Variants in LRP5 observed in about 807,000 individuals in gnomAD.
LRP5 encodes LDL receptor related protein 5, also known as low-density lipoprotein receptor-related protein 5.
A neutral mutation model predicts 154.1 loss-of-function variants in LRP5; 62 were observed. The observed-to-expected ratio is 0.40, with a 90% CI of 0.33 to 0.50. LRP5 has a LOEUF of 0.50. LRP5 is among the 20% of genes least tolerant of loss of function. The probability of loss-of-function intolerance (pLI) is 0.55; values close to 1 mark genes in which losing one functional copy is unlikely to be tolerated. For synonymous variants in LRP5, 966 were observed against 1,011.5 expected, an observed-to-expected ratio of 0.96 and a Z score of 0.85; for missense variants, 1,915 against 2,336.7, an observed-to-expected ratio of 0.82 and a Z score of 3.72.
chr11:68,388,648 AG>A (rs1399043039), intron 6 of LRP5, among the ~76,000 whole-genome samples: 2 of 152,094 alleles, frequency 1.3e-5, no homozygotes, highest in Non-Finnish European at 1.5e-5. Flanking sequence ...TATGTGCAGA[AG>A]GTTCTGCTCT....
At position 68,431,270 on chromosome 11, in the gene LRP5, G is replaced by A. The variant is rs532083720; in HGVS notation, c.3763+1570G>A. 1.1e-3 allele frequency among the ~76,000 whole-genome samples: 139 copies of A among 123,606 alleles called. 1 individual carries two copies. The highest frequency in any genetic ancestry group is 4.3e-3 in the African/African-American group (133 of 31,058). 81.1% of individuals were successfully genotyped at this position (123,606 alleles called of 152,430 possible). A position where few individuals can be genotyped will look rare whatever the true frequency, so the allele number is the denominator to read the frequency against. On this transcript the variant is annotated intron_variant, in intron 17 of 22. Coordinates refer to ENST00000294304, the MANE Select transcript of LRP5 (RefSeq NM_002335.4). Reference sequence around the variant, plus strand: ...TTTTTTTTTTTTGAGATGGAGTCTCGCTTTTTTCGCGCAGGCTGAAGTGCA... The same window carrying A: ...TTTTTTTTTTTTGAGATGGAGTCTCACTTTTTTCGCGCAGGCTGAAGTGCA...
chr11:68,331,820 G>C lies in LRP5; in HGVS notation c.92-16027G>C, dbSNP rs141060082. 6.1e-3 allele frequency among the ~76,000 whole-genome samples: 922 copies of C among 152,060 alleles called. 6 individuals carry two copies. Among genetic ancestry groups the C allele is most frequent in the Admixed American group, 0.014 (207 of 15,254 alleles). On this transcript the variant is annotated intron_variant, in intron 1 of 22. Coordinates refer to ENST00000294304, the MANE Select transcript of LRP5 (RefSeq NM_002335.4). ...ATTAGGATTAGAGAGAATTCGATGG[G>C]GGGCCAGGGGCCAACAGGAATGGGG...
upstream of LRP5, among the ~76,000 whole-genome samples, chr11:68,310,950 C>T (rs989025276): frequency 4.0e-5 from 6 of 151,816 alleles, no homozygotes; most frequent in Admixed American, 2.0e-4. Context: ...CTGCAGGTGC[C>T]GAAGGCTTTT....
At chr11:68,367,076 C>A (rs1490219007) in intron 5 of LRP5, among the ~76,000 whole-genome samples, 12 of 152,080 alleles carry the variant, frequency 7.9e-5, no homozygotes. Context: ...GTCTTGGACA[C>A]CCGCTCCTCC....
chr11:68,445,744 G>A (rs1336676402), intron 21 of LRP5: 1 of 1,108,840 alleles, frequency 9.0e-7, no homozygotes, highest in African/African-American at 1.6e-5. Context: ...TCCCTTTGTA[G>A]GGCTGGTTGT....
At chr11:68,440,078 T>A in intron 21 of LRP5, 162 bp downstream of exon 21, 1 of 640,792 alleles carries the variant, frequency 1.6e-6, no homozygotes, top group Non-Finnish European at 2.6e-6. Flanking sequence ...CTTCCTTCTT[T>A]AATGACATTG....
At chr11:68,428,368 C>T (rs944389432) in intron 16 of LRP5, among the ~76,000 whole-genome samples, 4 of 152,128 alleles carry the variant, frequency 2.6e-5, no homozygotes, top group Non-Finnish European at 5.9e-5. Context: ...AACTGGATGG[C>T]TTAAAGCAAC....
intron 1 of LRP5, among the ~76,000 whole-genome samples, chr11:68,313,829 G>T (rs1189384294): frequency 6.6e-6 from 1 of 152,226 alleles, no homozygotes; most frequent in Non-Finnish European, 1.5e-5. Flanking sequence ...CCTCCTTAAG[G>T]CAAACAGCTG....
At chr11:68,393,552 G>A (rs1255344377) in intron 7 of LRP5, among the ~76,000 whole-genome samples, 3 of 152,102 alleles carry the variant, frequency 2.0e-5, no homozygotes, top group African/African-American at 4.8e-5. Flanking sequence ...AGGCCGTGGC[G>A]GGCGGATCAC....
chr11:68,336,500 C>T (rs2098605783), intron 1 of LRP5, among the ~76,000 whole-genome samples: 1 of 151,980 alleles, frequency 6.6e-6, no homozygotes, highest in Non-Finnish European at 1.5e-5. Flanking sequence ...CAGAGTTTTG[C>T]TTTTGTCACC....
intron 1 of LRP5, among the ~76,000 whole-genome samples, chr11:68,339,952 A>G (rs1291745291): frequency 2.0e-5 from 3 of 152,148 alleles, no homozygotes; most frequent in Non-Finnish European, 4.4e-5. Context: ...CTTTAAAAGC[A>G]GTTGTCAACT....
chr11:68,354,925 C>T (rs538239158), intron 2 of LRP5, among the ~76,000 whole-genome samples: 4 of 152,284 alleles, frequency 2.6e-5, no homozygotes, highest in Non-Finnish European at 4.4e-5. Context: ...CCTGTCCCCA[C>T]GGGGCCGGAG....
At chr11:68,308,740 G>GC (rs1182290317), upstream of LRP5, among the ~76,000 whole-genome samples, 2 of 151,824 alleles carry the variant, frequency 1.3e-5, no homozygotes, top group East Asian at 1.9e-4. Context: ...CCACAGCACA[G>GC]CCCCTTTCTT....
At chr11:68,356,163 G>T (rs1458538920) in intron 2 of LRP5, among the ~76,000 whole-genome samples, 3 of 145,800 alleles carry the variant, frequency 2.1e-5, no homozygotes, top group Admixed American at 6.8e-5. Context: ...TTTTTTTTAG[G>T]CAGGGTCTCA....
Position 68,449,046 on chromosome 11 carries a change from G to A in LRP5, c.4824G>A (p.Pro1608=), listed in dbSNP as rs1282238504. 8 of 1,575,808 alleles carry A rather than the reference G, an allele frequency of 5.1e-6. 1 individual carries two copies. The South Asian group carries it at 5.8e-5, about 11-fold the overall frequency. The change falls in exon 23 of 23, where the codon CCG becomes CCA. Residue 1608 remains proline (P), a synonymous_variant. Transcript: ENST00000294304. ...RSYFHLFPPP[P]SPCTDSS ...ACTTCCATCTCTTCCCGCCCCCTCCGTCCCCCTGCACGGACTCATCCTGAC... is the reference window on the plus strand; with the variant it reads ...ACTTCCATCTCTTCCCGCCCCCTCCATCCCCCTGCACGGACTCATCCTGAC...
intron 7 of LRP5, among the ~76,000 whole-genome samples, chr11:68,392,200 C>G (rs1181618278): frequency 2.0e-5 from 3 of 152,158 alleles, no homozygotes. Context: ...ATGATTTTAA[C>G]CATTTTAAAG....
intron 1 of LRP5, among the ~76,000 whole-genome samples, chr11:68,338,815 G>A (rs887091904): frequency 6.6e-5 from 10 of 151,624 alleles, no homozygotes; most frequent in Admixed American, 3.3e-4. Flanking sequence ...CATTCCCATT[G>A]GGATGAAGTT....
intron 16 of LRP5, among the ~76,000 whole-genome samples, chr11:68,427,434 C>T (rs553644507): frequency 4.6e-5 from 7 of 152,306 alleles, no homozygotes; most frequent in South Asian, 4.1e-4. Flanking sequence ...AATCCCAGCA[C>T]TTTGGGAGAC....
chr11:68,321,260 A>G (rs988962087), intron 1 of LRP5, among the ~76,000 whole-genome samples: 38 of 152,044 alleles, frequency 2.5e-4, no homozygotes, highest in African/African-American at 8.5e-4. Flanking sequence ...GTCTTTGTGT[A>G]CCGGAATGCT....
Sources: allele counts gnomAD v4.1 joint callset (sites outside exome capture counted in the v4.1 genomes callset), GRCh38; gene constraint gnomAD v4.1.1; transcripts MANE v1.5; gene names NCBI Gene and HGNC (gene_info 2026-07-23, HGNC 2026-07-21).